The following P2RY10 variants were observed in gnomAD, a reference collection of about 807,000 sequenced individuals.
P2RY10 encodes P2Y receptor family member 10, also known as putative P2Y purinoceptor 10.
P2RY10 carries 4 observed loss-of-function variants against 12.1 expected under a neutral mutation model. The observed-to-expected ratio is 0.33, with a 90% CI of 0.16 to 0.76. The LOEUF is 0.76. Ranked by LOEUF, P2RY10 falls within the 30% of genes least tolerant of loss-of-function variation. The pLI, the probability that P2RY10 is intolerant of heterozygous loss-of-function variation, is 0.61. For synonymous variants in P2RY10, 112 were observed against 94.1 expected (o/e 1.19, Z -1.10); for missense variants, 233 against 264.6 (o/e 0.88, Z 0.83).
chrX:78,953,716 C>T (rs774637966), intron 3 of P2RY10, among the ~76,000 whole-genome samples: 72 of 111,561 alleles, frequency 6.5e-4, no homozygotes, highest in Middle Eastern at 4.6e-3. Flanking sequence ...AATACTATGT[C>T]CCAAAAAACC....
intron 3 of P2RY10, among the ~76,000 whole-genome samples, chrX:78,953,352 G>A (rs1482797047): frequency 8.9e-6 from 1 of 111,917 alleles, no homozygotes; most frequent in Non-Finnish European, 1.9e-5. Context: ...GCAATTTGTA[G>A]TGAAGCTCAG....
Position 78,957,387 on chromosome X carries a change from C to G in P2RY10, c.-13-3121C>G, listed in dbSNP as rs62605441. Among the ~76,000 whole-genome samples the G allele has an allele frequency of 1.8e-3, 135 of 75,821 alleles. 2 individuals carry two copies. Among genetic ancestry groups the G allele is most frequent in the African/African-American group, 4.0e-3 (85 of 21,142 alleles). 65.8% of individuals were successfully genotyped at this position (75,821 alleles called of 115,157 possible). A position where few individuals can be genotyped will look rare whatever the true frequency, so the allele number is the denominator to read the frequency against. ...ACACACACACACACACACACACACA[C>G]AGAGAGAGAGAGAGAGAGAGAGAGA... is the stretch of plus-strand genomic sequence containing the variant. On this transcript the variant is annotated intron_variant, in intron 3 of 3. Coordinates refer to ENST00000171757, the MANE Select transcript of P2RY10 (RefSeq NM_014499.4).
chrX:78,948,116 G>A (rs754477421), intron 2 of P2RY10, among the ~76,000 whole-genome samples: 5 of 112,327 alleles, frequency 4.5e-5, no homozygotes, highest in Non-Finnish European at 9.4e-5. Flanking sequence ...GTGCCCAACA[G>A]TTAAGAGGAT....
At chrX:78,960,011 AT>A (rs960571257) in intron 3 of P2RY10, among the ~76,000 whole-genome samples, 2 of 110,944 alleles carry the variant, frequency 1.8e-5, no homozygotes, top group African/African-American at 6.6e-5. Flanking sequence ...AGGCAGGACA[AT>A]TTTTCAAGTG....
intron 3 of P2RY10, among the ~76,000 whole-genome samples, chrX:78,957,955 G>T (rs1459874245): frequency 8.9e-6 from 1 of 112,321 alleles, no homozygotes; most frequent in Non-Finnish European, 1.9e-5. Context: ...AAGTGGAAGT[G>T]TGACTGCAGG....
chrX:78,956,034 G>A (rs745958780), intron 3 of P2RY10, among the ~76,000 whole-genome samples: 3 of 112,098 alleles, frequency 2.7e-5, no homozygotes, highest in African/African-American at 9.7e-5. Flanking sequence ...CCATGTGTAG[G>A]TGGATAACAA....
intron 3 of P2RY10, among the ~76,000 whole-genome samples, chrX:78,956,876 C>T (rs1359405921): frequency 2.7e-5 from 3 of 111,204 alleles, no homozygotes; most frequent in Non-Finnish European, 5.7e-5. Context: ...AAAAGGCAGC[C>T]CTAAATAAGT....
rs1922113126 is a variant in P2RY10, at chrX:78,951,767, T to G, written c.-156-426T>G. 2.7e-5 allele frequency among the ~76,000 whole-genome samples: 3 copies of G among 111,959 alleles called. No homozygotes were observed. In the South Asian group the frequency reaches 1.1e-3, roughly 41 times the overall value. On this transcript the variant is annotated intron_variant, in intron 2 of 3. Coordinates refer to ENST00000171757, the MANE Select transcript of P2RY10 (RefSeq NM_014499.4). ...TTTTTTTGCCCATATTTTCTTCAACTTTTATTTTAAGTTTAGGGGTACATG... is the reference window on the plus strand; with the variant it reads ...TTTTTTTGCCCATATTTTCTTCAACGTTTATTTTAAGTTTAGGGGTACATG...
chrX:78,959,678 C>T (rs966412073), intron 3 of P2RY10, among the ~76,000 whole-genome samples: 1 of 111,535 alleles, frequency 9.0e-6, no homozygotes, highest in East Asian at 2.8e-4. Context: ...CAAAGCATTG[C>T]TAGTGCCCAC....
intron 2 of P2RY10, among the ~76,000 whole-genome samples, chrX:78,950,318 G>A (rs1215943068): frequency 9.0e-6 from 1 of 110,819 alleles, no homozygotes; most frequent in Non-Finnish European, 1.9e-5. Flanking sequence ...GAGCTAGAAG[G>A]GAGTTAAAGG....
intron 2 of P2RY10, among the ~76,000 whole-genome samples, chrX:78,950,946 C>T (rs896355605): frequency 1.3e-4 from 15 of 111,870 alleles, no homozygotes; most frequent in Non-Finnish European, 2.6e-4. Flanking sequence ...AGAATTCTTA[C>T]AAAGATTAGA....
rs189016388 is a variant in P2RY10 at position 78,963,469 on chromosome X, G to T, written c.*1929G>T. Among the ~76,000 whole-genome samples, 1 of 112,022 alleles carries T rather than the reference G, an allele frequency of 8.9e-6. No individual in the cohort carries two copies. Among genetic ancestry groups the T allele is most frequent in the East Asian group, 2.8e-4 (1 of 3,568 alleles). On this transcript the variant is annotated 3_prime_UTR_variant, in exon 4 of 4. Transcript: ENST00000171757. ...GATGACTTTGGAAGAAACCCATTTG[G>T]AACTACACACCCTGCTATGTCTGTG...
At chrX:78,951,791 T>C (rs1922114075) in intron 2 of P2RY10, among the ~76,000 whole-genome samples, 1 of 111,763 alleles carries the variant, frequency 8.9e-6, no homozygotes, top group South Asian at 3.7e-4. Flanking sequence ...TAGGGGTACA[T>C]GTGCAGGATG....
chrX:78,957,062 A>G (rs1375578675), intron 3 of P2RY10, among the ~76,000 whole-genome samples: 1 of 110,215 alleles, frequency 9.1e-6, no homozygotes. Flanking sequence ...AGGATTTTAC[A>G]TGGAAGGAAG....
Position 78,961,353 on chromosome X carries a change from C to T in P2RY10, c.833C>T (p.Pro278Leu), listed in dbSNP as rs1922609542. The T allele has an allele frequency of 2.5e-6, 3 of 1,210,906 alleles. No individual in the cohort carries two copies. The highest frequency in any genetic ancestry group is 3.4e-6 in the Non-Finnish European group (3 of 895,107). ...MVKETIISSCPVVRIALYFHP... is the reference protein window; with the variant it reads ...MVKETIISSCLVVRIALYFHP... ...AAGGAAACCATCATTAGCAGTTGTC[C>T]CGTTGTCCGAATCGCACTGTATTTC... is the stretch of plus-strand genomic sequence containing the variant. Residue 278 changes from proline to leucine, a missense_variant, in exon 4 of 4, where the codon CCC becomes CTC. Transcript: ENST00000171757.
In P2RY10 at chrX:78,961,510, C is replaced by A; in HGVS notation, c.990C>A (p.Ser330Arg). The change falls in exon 4 of 4, where the codon AGC (serine) becomes AGA (arginine). Residue 330 changes from serine (S) to arginine (R), a missense_variant. By Grantham distance (110) the Ser-to-Arg change is moderately radical. Coordinates refer to ENST00000171757, the MANE Select transcript of P2RY10 (RefSeq NM_014499.4). ...GSSVTRSRLMSKESGSSMIG is the reference protein window; with the variant it reads ...GSSVTRSRLMRKESGSSMIG ...CTGTGACCCGCTCCCGCCTCATGAG[C>A]AAGGAGAGTGGTTCATCAATGATTG... The A allele has an allele frequency of 1.7e-6, 2 of 1,204,206 alleles. No individual in the cohort carries two copies. Among genetic ancestry groups the A allele is most frequent in the Non-Finnish European group, 2.2e-6 (2 of 890,470 alleles).
At chrX:78,958,176 G>A (rs1161882331) in intron 3 of P2RY10, among the ~76,000 whole-genome samples, 1 of 112,535 alleles carries the variant, frequency 8.9e-6, no homozygotes, top group Non-Finnish European at 1.9e-5. Context: ...ACGAATTCTA[G>A]TGTTATATAA....
Position 78,962,665 on chromosome X carries a change from TC to T in P2RY10, c.*1127del, listed in dbSNP as rs1922692467. Among the ~76,000 whole-genome samples the T allele has an allele frequency of 9.0e-6, 1 of 111,009 alleles. No homozygotes were observed. Among genetic ancestry groups the T allele is most frequent in the Non-Finnish European group, 1.9e-5 (1 of 52,989 alleles). On this transcript the variant is annotated 3_prime_UTR_variant, in exon 4 of 4. Coordinates refer to ENST00000171757, the MANE Select transcript of P2RY10 (RefSeq NM_014499.4). ...AATAGATGCGTTGTCCTAATACTGT[TC>T]CAAGGTAGAGAATCCTGATGATAAG...
intron 3 of P2RY10, among the ~76,000 whole-genome samples, chrX:78,954,365 C>G (rs2147268087): frequency 9.0e-6 from 1 of 111,484 alleles, no homozygotes; most frequent in East Asian, 2.8e-4. Flanking sequence ...ACCCTCCCCA[C>G]CATGTTATCC....
Sources: gnomAD v4.1 joint callset for allele counts (sites outside exome capture counted in the v4.1 genomes callset) on GRCh38, gnomAD v4.1.1 for gene constraint, MANE v1.5 for transcripts, NCBI Gene and HGNC (gene_info 2026-07-23, HGNC 2026-07-21) for gene names.